Variants in MTMR3 observed in about 807,000 individuals in gnomAD.
MTMR3 encodes the protein myotubularin related protein 3.
In MTMR3, 32 loss-of-function variants were observed where a neutral mutation model predicts 132.4. The observed-to-expected ratio is 0.24, with a 90% CI of 0.18 to 0.32. The LOEUF (loss-of-function observed/expected upper bound fraction) is 0.32. MTMR3 is among the 10% of genes least tolerant of loss of function. The pLI is 1.00. For missense variants in MTMR3, 1,216 were observed against 1,489.6 expected, an observed-to-expected ratio of 0.82 and a Z score of 3.02; for synonymous variants, 556 against 550.3, an observed-to-expected ratio of 1.01 and a Z score of -0.14.
chr22:29,928,378 GC>G (rs938048181), intron 1 of MTMR3, among the ~76,000 whole-genome samples: 6 of 151,612 alleles, frequency 4.0e-5, no homozygotes, highest in Non-Finnish European at 5.9e-5. Flanking sequence ...CATCATATTG[GC>G]CATGTTGGTC....
intron 1 of MTMR3, among the ~76,000 whole-genome samples, chr22:29,886,088 C>T (rs566771096): frequency 2.6e-5 from 4 of 152,216 alleles, no homozygotes; most frequent in African/African-American, 9.6e-5. Flanking sequence ...ATATTCTGTG[C>T]CCTCAGATAT....
chr22:30,016,730 A>G, intron 15 of MTMR3, 32 bp downstream of exon 15: 1 of 1,581,744 alleles, frequency 6.3e-7, no homozygotes, highest in South Asian at 1.2e-5. Context: ...CACTGTGGTC[A>G]GCAGAAGGAA....
intron 1 of MTMR3, among the ~76,000 whole-genome samples, chr22:29,928,611 G>A (rs2065574452): frequency 6.6e-6 from 1 of 151,950 alleles, no homozygotes; most frequent in South Asian, 2.1e-4. Flanking sequence ...CCCAATTGAT[G>A]GATGGTTAGG....
At chr22:29,933,087 G>T (rs1008500766) in intron 1 of MTMR3, among the ~76,000 whole-genome samples, 1 of 152,092 alleles carries the variant, frequency 6.6e-6, no homozygotes. Flanking sequence ...TCCTGCTTCA[G>T]CCTCCCTAGT....
intron 2 of MTMR3, among the ~76,000 whole-genome samples, chr22:29,969,599 C>T (rs1321889432): frequency 2.0e-5 from 3 of 151,936 alleles, no homozygotes; most frequent in Non-Finnish European, 2.9e-5. Context: ...GGCGTGATCT[C>T]GGCTCACTGC....
intron 19 of MTMR3, 178 bp from the exon 20 acceptor site, chr22:30,025,452 T>C: frequency 1.6e-6 from 1 of 626,236 alleles, no homozygotes; most frequent in Non-Finnish European, 2.8e-6. Context: ...GTGACTCTGC[T>C]AGGTAGGGAC....
chr22:29,937,516 A>T (rs1477038409), intron 1 of MTMR3, among the ~76,000 whole-genome samples: 1 of 151,610 alleles, frequency 6.6e-6, no homozygotes, highest in East Asian at 1.9e-4. Flanking sequence ...TCCTGGGGTT[A>T]AGTGATCCTC....
intron 1 of MTMR3, among the ~76,000 whole-genome samples, chr22:29,937,468 T>G (rs1263791648): frequency 6.6e-6 from 1 of 151,344 alleles, no homozygotes; most frequent in Non-Finnish European, 1.5e-5. Context: ...CAGGATGAAG[T>G]GCAAGCAGCA....
intron 1 of MTMR3, among the ~76,000 whole-genome samples, chr22:29,885,927 C>A (rs2064668301): frequency 6.6e-6 from 1 of 152,134 alleles, no homozygotes; most frequent in South Asian, 2.1e-4. Flanking sequence ...AATGTTGTTA[C>A]AATTGTGTAG....
intron 19 of MTMR3, chr22:30,024,478 T>C (rs1392011272): frequency 6.6e-6 from 1 of 152,234 alleles, no homozygotes; most frequent in African/African-American, 2.4e-5. Context: ...AAGATGAATT[T>C]TGTGTTTTTC....
chr22:29,969,125 G>A (rs1308090180), intron 2 of MTMR3, among the ~76,000 whole-genome samples: 2 of 152,164 alleles, frequency 1.3e-5, no homozygotes, highest in Non-Finnish European at 2.9e-5. Flanking sequence ...TGGCATCTTT[G>A]TTTGGATATG....
intron 6 of MTMR3, 60 bp from the exon 7 acceptor site, chr22:29,991,439 GCTTTT>G: frequency 6.7e-7 from 1 of 1,482,066 alleles, no homozygotes; most frequent in Non-Finnish European, 9.0e-7. Flanking sequence ...TGAAATAATG[GCTTTT>G]CTTACATTTC....
chr22:30,019,276 T>C, intron 16 of MTMR3: 2 of 578,088 alleles, frequency 3.5e-6, no homozygotes, highest in Non-Finnish European at 6.1e-6. Context: ...TTGGGGGAGT[T>C]TGAAAGGAAA....
intron 1 of MTMR3, among the ~76,000 whole-genome samples, chr22:29,918,307 A>G (rs1178184399): frequency 1.3e-5 from 2 of 152,200 alleles, no homozygotes; most frequent in Admixed American, 1.3e-4. Flanking sequence ...TCTTGTACTG[A>G]AAAATAAGTC....
chr22:29,912,691 A>G (rs2065237050), intron 1 of MTMR3, among the ~76,000 whole-genome samples: 2 of 152,178 alleles, frequency 1.3e-5, no homozygotes, highest in African/African-American at 4.8e-5. Context: ...AAAGGTGAGT[A>G]CCTAAAAGAT....
intron 1 of MTMR3, among the ~76,000 whole-genome samples, chr22:29,941,469 T>A (rs1338903722): frequency 6.6e-6 from 1 of 152,104 alleles, no homozygotes; most frequent in Non-Finnish European, 1.5e-5. Flanking sequence ...CTTAACCTCA[T>A]AAGCAGTTGC....
At chr22:29,976,123 T>G (rs1051046332) in intron 3 of MTMR3, among the ~76,000 whole-genome samples, 20 of 149,006 alleles carry the variant, frequency 1.3e-4, no homozygotes, top group East Asian at 1.2e-3. Flanking sequence ...AGTGTGTGTT[T>G]TTTTTTTTTT....
chr22:29,928,679 T>A (rs2065576817), intron 1 of MTMR3, among the ~76,000 whole-genome samples: 1 of 152,082 alleles, frequency 6.6e-6, no homozygotes, highest in Non-Finnish European at 1.5e-5. Context: ...AAAAATTTTT[T>A]TTTAAGTTTT....
At chr22:29,997,437 A>C (rs1474047589) in intron 7 of MTMR3, 1 of 152,228 alleles carries the variant, frequency 6.6e-6, no homozygotes, top group Non-Finnish European at 1.5e-5. Flanking sequence ...TTATTTTACA[A>C]CCTGTACCAC....
Sources: gnomAD v4.1 joint callset for allele counts (sites outside exome capture counted in the v4.1 genomes callset) on GRCh38, gnomAD v4.1.1 for gene constraint, MANE v1.5 for transcripts, NCBI Gene and HGNC (gene_info 2026-07-23, HGNC 2026-07-21) for gene names.